The following ATP8A2 variants were observed in gnomAD, a reference collection of about 807,000 sequenced individuals.
The protein encoded by ATP8A2 is ATPase phospholipid transporting 8A2.
A neutral mutation model predicts 165.6 loss-of-function variants in ATP8A2; 100 were observed. The observed-to-expected ratio is 0.60, with a 90% CI of 0.51 to 0.71. The LOEUF is 0.71. ATP8A2 is among the 30% of genes least tolerant of loss of function. ATP8A2 has a pLI of 0.00. For synonymous variants in ATP8A2, 543 were observed against 548.8 expected, an observed-to-expected ratio of 0.99 and a Z score of 0.15; for missense variants, 1,227 against 1,479.5, an observed-to-expected ratio of 0.83 and a Z score of 2.80.
chr13:25,387,563 G>C (rs1389085033), intron 1 of ATP8A2, among the ~76,000 whole-genome samples: 1 of 152,140 alleles, frequency 6.6e-6, no homozygotes, highest in Non-Finnish European at 1.5e-5. Context: ...GGGCATAAAC[G>C]ACAAACCCAT....
chr13:25,579,011 C>A, intron 21 of ATP8A2, 112 bp downstream of exon 21: 1 of 755,588 alleles, frequency 1.3e-6, no homozygotes. Context: ...CCCTCCTGTG[C>A]CCATGGCAGT....
rs117306872 is a variant in ATP8A2 at position 25,558,370 on chromosome 13, A to G, written c.1264-603A>G. On this transcript the variant is annotated intron_variant, in intron 13 of 36. Transcript: ENST00000381655. The stretch of plus-strand genomic sequence containing the variant: ...TACGAGTATTATATGTAGATGTAGT[A>G]TTTGACTTCTTTAGGAGCTTTAATA... Among the ~76,000 whole-genome samples the G allele has an allele frequency of 1.4e-3, 219 of 152,344 alleles. 7 individuals are homozygous for G. The East Asian group carries it at 0.036, about 25-fold the overall frequency.
intron 23 of ATP8A2, among the ~76,000 whole-genome samples, chr13:25,585,618 A>G (rs1272450693): frequency 6.6e-6 from 1 of 152,192 alleles, no homozygotes; most frequent in South Asian, 2.1e-4. Context: ...TTTATTGTGT[A>G]TAAGGTAAAC....
intron 35 of ATP8A2, among the ~76,000 whole-genome samples, chr13:25,971,856 C>G (rs1295919407): frequency 6.6e-6 from 1 of 152,092 alleles, no homozygotes; most frequent in African/African-American, 2.4e-5. Flanking sequence ...AGGCCAGGAG[C>G]CCATCCTCCC....
intron 1 of ATP8A2, chr13:25,468,769 T>G (rs2035745171): frequency 1.1e-6 from 1 of 924,272 alleles, no homozygotes; most frequent in East Asian, 1.2e-4. Flanking sequence ...GGCGTGGGCG[T>G]GGGCGGGGCC....
At chr13:25,647,368 A>G (rs2041700008) in intron 24 of ATP8A2, among the ~76,000 whole-genome samples, 1 of 152,214 alleles carries the variant, frequency 6.6e-6, no homozygotes, top group African/African-American at 2.4e-5. Flanking sequence ...TTTGCTATGT[A>G]AAATATTTTT....
intron 2 of ATP8A2, among the ~76,000 whole-genome samples, chr13:25,483,921 C>G (rs539377617): frequency 6.6e-6 from 1 of 152,210 alleles, no homozygotes; most frequent in Admixed American, 6.5e-5. Context: ...AGCTGTAACT[C>G]GGGGAAAAGG....
intron 24 of ATP8A2, among the ~76,000 whole-genome samples, chr13:25,679,533 C>T (rs992924134): frequency 1.3e-5 from 2 of 152,158 alleles, no homozygotes; most frequent in Admixed American, 6.5e-5. Context: ...ACACTTATGA[C>T]TGTCAGCACT....
intron 24 of ATP8A2, among the ~76,000 whole-genome samples, chr13:25,659,738 A>G (rs1489627168): frequency 6.6e-6 from 1 of 152,302 alleles, no homozygotes; most frequent in East Asian, 1.9e-4. Flanking sequence ...TCTCTAAGGC[A>G]CTGCTATCTG....
At chr13:25,983,457 A>G (rs1398910931) in intron 35 of ATP8A2, among the ~76,000 whole-genome samples, 1 of 152,198 alleles carries the variant, frequency 6.6e-6, no homozygotes, top group Non-Finnish European at 1.5e-5. Flanking sequence ...TTAAAAAAAA[A>G]TTGCACATAA....
intron 25 of ATP8A2, among the ~76,000 whole-genome samples, chr13:25,729,368 A>G (rs1395733222): frequency 6.6e-6 from 1 of 152,224 alleles, no homozygotes; most frequent in Non-Finnish European, 1.5e-5. Flanking sequence ...AAGGTATGGA[A>G]TGCCTGAGGC....
chr13:25,875,461 C>T (rs1952798153), intron 33 of ATP8A2, among the ~76,000 whole-genome samples: 1 of 151,756 alleles, frequency 6.6e-6, no homozygotes, highest in South Asian at 2.1e-4. Context: ...GTAGTTGGCT[C>T]TGTGCAGTTA....
chr13:25,694,758 A>G (rs973689045), intron 24 of ATP8A2, among the ~76,000 whole-genome samples: 7 of 152,170 alleles, frequency 4.6e-5, no homozygotes, highest in Middle Eastern at 3.2e-3. Flanking sequence ...AAAGCCTCCA[A>G]TTCCTGGGTT....
chr13:25,828,303 G>A, intron 28 of ATP8A2, 111 bp downstream of exon 28: 3 of 924,974 alleles, frequency 3.2e-6, no homozygotes. Flanking sequence ...TGTATACTTA[G>A]CAGGCAGCAC....
chr13:25,941,007 G>A (rs1358472850), intron 33 of ATP8A2, among the ~76,000 whole-genome samples: 2 of 152,162 alleles, frequency 1.3e-5, no homozygotes, highest in Non-Finnish European at 2.9e-5. Flanking sequence ...TGTCACAGCC[G>A]CCCTTCTCCG....
At position 25,542,486 on chromosome 13, in the gene ATP8A2, C is replaced by T. The variant is rs183392441; in HGVS notation, c.779+440C>T. On this transcript the variant is annotated intron_variant, in intron 9 of 36. Transcript: ENST00000381655. ...ATTCTTCCTTTAGAATATTCAGTGC[C>T]CTCCTGTCTATATTCTGTTATCTTT... 2.3e-3 allele frequency among the ~76,000 whole-genome samples: 353 copies of T among 151,516 alleles called. 1 individual carries two copies. The highest frequency in any genetic ancestry group is 8.1e-3 in the African/African-American group (333 of 41,250).
chr13:25,581,471 C>T (rs1411819796), intron 22 of ATP8A2, among the ~76,000 whole-genome samples: 2 of 152,160 alleles, frequency 1.3e-5, no homozygotes, highest in East Asian at 3.9e-4. Flanking sequence ...TTAAATGTGA[C>T]ATAATATGCT....
At position 25,663,380 on chromosome 13, in the gene ATP8A2, C is replaced by T. The variant is rs551482335; in HGVS notation, c.2212-35793C>T. 3.9e-5 allele frequency among the ~76,000 whole-genome samples: 6 copies of T among 152,270 alleles called. 1 individual carries two copies. The South Asian group carries it at 1.2e-3, about 32-fold the overall frequency. On this transcript the variant is annotated intron_variant, in intron 24 of 36. Transcript: ENST00000381655. ...CTTTTTCTTCGATTGCTGGGCAAATCTCATTTATGAGTTTGCAGATGGGAG... is the reference window on the plus strand; with the variant it reads ...CTTTTTCTTCGATTGCTGGGCAAATTTCATTTATGAGTTTGCAGATGGGAG...
intron 24 of ATP8A2, among the ~76,000 whole-genome samples, chr13:25,596,278 G>A (rs2040234097): frequency 6.6e-6 from 1 of 152,096 alleles, no homozygotes; most frequent in African/African-American, 2.4e-5. Context: ...TTGATCACAG[G>A]TAATGATTTT....
Sources: allele counts gnomAD v4.1 joint callset (sites outside exome capture counted in the v4.1 genomes callset), GRCh38; gene constraint gnomAD v4.1.1; transcripts MANE v1.5; gene names NCBI Gene and HGNC (gene_info 2026-07-23, HGNC 2026-07-21).